Variants in NBEAL1 observed in about 807,000 individuals in gnomAD.
NBEAL1 encodes the protein neurobeachin like 1.
A neutral mutation model predicts 351.3 loss-of-function variants in NBEAL1; 273 were observed. The ratio of observed to expected loss-of-function variants is 0.78; its 90% CI spans 0.70 to 0.86. The LOEUF (loss-of-function observed/expected upper bound fraction) is 0.86. Ranked by LOEUF, NBEAL1 falls within the 40% of genes least tolerant of loss-of-function variation. The pLI is 0.00. For synonymous variants in NBEAL1, 1,050 were observed against 1,086.4 expected (o/e 0.97, Z 0.66); for missense variants, 2,961 against 3,201.3 (o/e 0.92, Z 1.81).
chr2:203,064,499 C>A (rs1459682225), intron 6 of NBEAL1, among the ~76,000 whole-genome samples: 1 of 152,176 alleles, frequency 6.6e-6, no homozygotes, highest in Non-Finnish European at 1.5e-5. Flanking sequence ...TAGTGGGTAT[C>A]ATGTGCTCCA....
chr2:203,153,821 A>T (rs770839049), intron 35 of NBEAL1, among the ~76,000 whole-genome samples: 3 of 152,140 alleles, frequency 2.0e-5, no homozygotes, highest in Non-Finnish European at 4.4e-5. Flanking sequence ...TTTGCCAAGA[A>T]ATTTCCTTCC....
chr2:203,154,299 T>A (rs78485339), intron 35 of NBEAL1, among the ~76,000 whole-genome samples: 3,134 of 151,190 alleles, frequency 0.021, 55 homozygotes, highest in Middle Eastern at 0.051. Context: ...GAAAAAAAAA[T>A]TATATATTTC....
intron 12 of NBEAL1, among the ~76,000 whole-genome samples, chr2:203,101,736 C>G (rs533543999): frequency 6.6e-6 from 1 of 152,246 alleles, no homozygotes; most frequent in African/African-American, 2.4e-5. Context: ...GCTGGGATTA[C>G]AGGTGTGCAC....
intron 34 of NBEAL1, 45 bp downstream of exon 34, chr2:203,149,193 T>C: frequency 6.9e-7 from 1 of 1,459,696 alleles, no homozygotes; most frequent in Non-Finnish European, 9.2e-7. Context: ...TCTTTAGTAC[T>C]CTGGTCTAGA....
At chr2:203,156,544 A>G (rs892745408) in intron 35 of NBEAL1, among the ~76,000 whole-genome samples, 3 of 152,246 alleles carry the variant, frequency 2.0e-5, no homozygotes, top group Non-Finnish European at 4.4e-5. Context: ...TGTTTTAACA[A>G]TAAATTAGAC....
intron 29 of NBEAL1, 101 bp downstream of exon 29, chr2:203,136,875 A>G: frequency 9.4e-7 from 1 of 1,064,526 alleles, no homozygotes. Context: ...TGTGGATATA[A>G]CAAGGGAGAA....
At chr2:203,019,514 A>G (rs2060733172) in intron 2 of NBEAL1, among the ~76,000 whole-genome samples, 1 of 152,182 alleles carries the variant, frequency 6.6e-6, no homozygotes. Flanking sequence ...TTTGATGTCT[A>G]CACAAAACAT....
At chr2:203,188,003 C>G (rs2064959546) in intron 44 of NBEAL1, among the ~76,000 whole-genome samples, 1 of 152,156 alleles carries the variant, frequency 6.6e-6, no homozygotes, top group East Asian at 1.9e-4. Flanking sequence ...CCACCCTGGC[C>G]TCCTCTTAGT....
At chr2:203,106,368 C>CT (rs1445354895) in intron 12 of NBEAL1, among the ~76,000 whole-genome samples, 2 of 152,294 alleles carry the variant, frequency 1.3e-5, no homozygotes, top group African/African-American at 4.8e-5. Flanking sequence ...TTAGGAGACT[C>CT]TAACTTTTGC....
chr2:203,161,790 C>G lies in NBEAL1; in HGVS notation c.5714+3965C>G, dbSNP rs2063971033. Among the ~76,000 whole-genome samples, 3 of 151,816 alleles carry G rather than the reference C, an allele frequency of 2.0e-5. No homozygotes were observed. The South Asian group carries it at 6.2e-4, about 32-fold the overall frequency. On this transcript the variant is annotated intron_variant, in intron 36 of 55. Transcript: ENST00000683969. ...GAAAGCTGCAGTAAGCTATGATCAC[C>G]CCACTGCAGTGAAGCCTGGGTGACA...
At chr2:203,033,174 G>A (rs1386280366) in intron 2 of NBEAL1, among the ~76,000 whole-genome samples, 1 of 151,536 alleles carries the variant, frequency 6.6e-6, no homozygotes, top group Non-Finnish European at 1.5e-5. Flanking sequence ...CTAATTTTTT[G>A]TATTTTTAGT....
At chr2:203,193,934 CA>C in intron 47 of NBEAL1, 23 bp downstream of exon 47, 1 of 1,324,588 alleles carries the variant, frequency 7.5e-7, no homozygotes, top group South Asian at 1.3e-5. Flanking sequence ...TTGGTAATAT[CA>C]AAAAGAGTTT....
intron 46 of NBEAL1, chr2:203,191,116 G>A: frequency 6.3e-7 from 1 of 1,597,688 alleles, no homozygotes; most frequent in South Asian, 1.1e-5. Flanking sequence ...CGTCAACATT[G>A]TTCGACAGAT....
intron 8 of NBEAL1, among the ~76,000 whole-genome samples, chr2:203,081,332 T>C (rs561833728): frequency 6.6e-6 from 1 of 152,340 alleles, no homozygotes; most frequent in East Asian, 1.9e-4. Flanking sequence ...CAGACTGACC[T>C]AGGTTTGAGT....
chr2:203,064,944 C>T (rs2061557082), intron 6 of NBEAL1, among the ~76,000 whole-genome samples: 1 of 152,102 alleles, frequency 6.6e-6, no homozygotes, highest in South Asian at 2.1e-4. Context: ...AGAGGAAGGA[C>T]CATGATATAT....
chr2:203,206,561 G>A (rs1434522183), intron 51 of NBEAL1, among the ~76,000 whole-genome samples: 1 of 149,824 alleles, frequency 6.7e-6, no homozygotes, highest in African/African-American at 2.5e-5. Context: ...AATTGCAGGC[G>A]CGCGCCGCCA....
At chr2:203,190,836 A>T (rs1575108681) in intron 46 of NBEAL1, 1 of 1,610,868 alleles carries the variant, frequency 6.2e-7, no homozygotes, top group Admixed American at 1.7e-5. Context: ...GGTGCACCGG[A>T]GGTGAAGTCG....
At chr2:203,138,105 G>A in intron 29 of NBEAL1, 57 bp from the exon 30 acceptor site, 2 of 1,551,298 alleles carry the variant, frequency 1.3e-6, no homozygotes, top group Non-Finnish European at 8.8e-7. Flanking sequence ...TGTTTTTAAT[G>A]TCCTACTGTT....
At chr2:203,118,233 G>A (rs1177344471) in intron 18 of NBEAL1, among the ~76,000 whole-genome samples, 1 of 152,048 alleles carries the variant, frequency 6.6e-6, no homozygotes, top group African/African-American at 2.4e-5. Flanking sequence ...CTTCATCCCT[G>A]TATATTTCTA....
Sources: allele counts gnomAD v4.1 joint callset (sites outside exome capture counted in the v4.1 genomes callset), GRCh38; gene constraint gnomAD v4.1.1; transcripts MANE v1.5; gene names NCBI Gene and HGNC (gene_info 2026-07-23, HGNC 2026-07-21).